SLC9A9: variants seen among roughly 807,000 people sequenced by gnomAD.
The protein encoded by SLC9A9 is sodium/hydrogen exchanger 9.
A neutral mutation model predicts 77.8 loss-of-function variants in SLC9A9; 62 were observed. The ratio of observed to expected loss-of-function variants is 0.80; its 90% CI spans 0.65 to 0.98. The LOEUF is 0.98. Ranked by LOEUF, SLC9A9 falls within the 50% of genes least tolerant of loss-of-function variation. The probability of loss-of-function intolerance (pLI) is 0.00; values close to 1 mark genes in which losing one functional copy is unlikely to be tolerated. For missense variants in SLC9A9, 775 were observed against 774.9 expected (o/e 1.00, Z 0.00); for synonymous variants, 320 against 283.5 (o/e 1.13, Z -1.29).
intron 9 of SLC9A9, chr3:143,517,885 A>G: frequency 6.4e-7 from 1 of 1,552,600 alleles, no homozygotes; most frequent in Non-Finnish European, 8.8e-7. Flanking sequence ...CTTTTTAATC[A>G]TTTGCCTGAT....
intron 6 of SLC9A9, among the ~76,000 whole-genome samples, chr3:143,600,214 G>A (rs555165092): frequency 9.2e-5 from 14 of 152,168 alleles, no homozygotes; most frequent in Middle Eastern, 3.4e-3. Flanking sequence ...GGTGTGTGAT[G>A]TTCCCCTCCC....
chr3:143,441,714 T>C (rs374581168), intron 12 of SLC9A9, among the ~76,000 whole-genome samples: 17 of 152,304 alleles, frequency 1.1e-4, no homozygotes, highest in African/African-American at 4.1e-4. Flanking sequence ...TTCTGTTTTC[T>C]ATGCCAGCCT....
At chr3:143,508,390 C>T (rs892142100) in intron 9 of SLC9A9, among the ~76,000 whole-genome samples, 2 of 152,172 alleles carry the variant, frequency 1.3e-5, no homozygotes, top group Non-Finnish European at 2.9e-5. Context: ...CAGTGGAATG[C>T]ATTAGATCAT....
intron 9 of SLC9A9, among the ~76,000 whole-genome samples, chr3:143,537,919 G>A (rs1478410677): frequency 2.0e-5 from 3 of 152,190 alleles, no homozygotes; most frequent in African/African-American, 7.2e-5. Context: ...TAAAGGTTTA[G>A]TTATCTTTTC....
At chr3:143,715,061 C>G (rs1172905434) in intron 4 of SLC9A9, among the ~76,000 whole-genome samples, 1 of 152,206 alleles carries the variant, frequency 6.6e-6, no homozygotes, top group East Asian at 1.9e-4. Flanking sequence ...TCCTCCTTGC[C>G]TTCCACCATG....
At chr3:143,657,912 G>A (rs545285431) in intron 5 of SLC9A9, among the ~76,000 whole-genome samples, 18 of 152,080 alleles carry the variant, frequency 1.2e-4, no homozygotes, top group African/African-American at 4.3e-4. Flanking sequence ...TGTTGCCCAG[G>A]CTGGAGTGCA....
intron 14 of SLC9A9, among the ~76,000 whole-genome samples, chr3:143,315,624 C>T (rs2031185452): frequency 6.6e-6 from 1 of 152,190 alleles, no homozygotes; most frequent in South Asian, 2.1e-4. Flanking sequence ...AAGATCATGG[C>T]TCAGGAACCA....
At chr3:143,741,843 T>C (rs1935081735) in intron 4 of SLC9A9, among the ~76,000 whole-genome samples, 1 of 152,152 alleles carries the variant, frequency 6.6e-6, no homozygotes. Flanking sequence ...ATCTTTCTTC[T>C]AACCTCCAAG....
chr3:143,783,242 T>C (rs1302859991), intron 4 of SLC9A9, among the ~76,000 whole-genome samples: 1 of 152,120 alleles, frequency 6.6e-6, no homozygotes, highest in Non-Finnish European at 1.5e-5. Flanking sequence ...TGAGCTGTCA[T>C]TGCCCTCCAT....
At chr3:143,648,160 T>C (rs2038734515) in intron 6 of SLC9A9, among the ~76,000 whole-genome samples, 1 of 152,224 alleles carries the variant, frequency 6.6e-6, no homozygotes, top group African/African-American at 2.4e-5. Flanking sequence ...TTTTGTAATG[T>C]ATATAGAACA....
At chr3:143,343,449 GCAAGAA>G (rs1465434866) in intron 14 of SLC9A9, 1 of 152,102 alleles carries the variant, frequency 6.6e-6, no homozygotes, top group African/African-American at 2.4e-5. Flanking sequence ...CAACAGCTAG[GCAAGAA>G]CTGCCACAAG....
chr3:143,636,789 T>A (rs1458109067), intron 6 of SLC9A9, among the ~76,000 whole-genome samples: 1 of 152,170 alleles, frequency 6.6e-6, no homozygotes, highest in Non-Finnish European at 1.5e-5. Context: ...CAGGAGACAG[T>A]GAGCCTGACA....
intron 11 of SLC9A9, among the ~76,000 whole-genome samples, chr3:143,472,869 T>C (rs1576520642): frequency 6.6e-6 from 1 of 152,236 alleles, no homozygotes; most frequent in African/African-American, 2.4e-5. Context: ...TGAGATCCTT[T>C]AAAACCTTAT....
At chr3:143,374,286 G>A (rs1441621631) in intron 13 of SLC9A9, among the ~76,000 whole-genome samples, 3 of 151,742 alleles carry the variant, frequency 2.0e-5, no homozygotes, top group South Asian at 2.1e-4. Context: ...TTAGCCGGGC[G>A]TGGTGGCGGG....
chr3:143,266,691 C>A lies in SLC9A9; in HGVS notation c.*11G>T. On this transcript the variant is annotated 3_prime_UTR_variant, in exon 16 of 16. Transcript: ENST00000316549. ...CATTACTTGTGATTACATCTGTACT[C>A]TTCATGCCAATTAATTCAACTGGGA... 2 of 1,613,886 alleles carry A rather than the reference C, an allele frequency of 1.2e-6. No homozygotes were observed. The highest frequency in any genetic ancestry group is 1.7e-6 in the Non-Finnish European group (2 of 1,179,848).
At chr3:143,628,497 C>T (rs2038368237) in intron 6 of SLC9A9, among the ~76,000 whole-genome samples, 1 of 152,068 alleles carries the variant, frequency 6.6e-6, no homozygotes, top group South Asian at 2.1e-4. Context: ...TAGTATGTTT[C>T]CTACTGAATG....
intron 9 of SLC9A9, among the ~76,000 whole-genome samples, chr3:143,525,361 G>A (rs954502056): frequency 6.6e-6 from 1 of 152,158 alleles, no homozygotes; most frequent in African/African-American, 2.4e-5. Flanking sequence ...GATTCTATCT[G>A]ATCCATTTTG....
chr3:143,456,425 A>T (rs72997861), intron 12 of SLC9A9, among the ~76,000 whole-genome samples: 25,918 of 152,060 alleles, frequency 0.17, 3,611 homozygotes, highest in African/African-American at 0.38. Context: ...GAGTTGGAAG[A>T]TATTGTTCTG....
intron 6 of SLC9A9, among the ~76,000 whole-genome samples, chr3:143,592,262 C>G (rs937625999): frequency 1.4e-4 from 21 of 152,194 alleles, no homozygotes; most frequent in African/African-American, 5.1e-4. Flanking sequence ...CGCAGTGGCT[C>G]ACGCCTGTAA....
Sources: gnomAD v4.1 joint callset for allele counts (sites outside exome capture counted in the v4.1 genomes callset) on GRCh38, gnomAD v4.1.1 for gene constraint, MANE v1.5 for transcripts, NCBI Gene and HGNC (gene_info 2026-07-23, HGNC 2026-07-21) for gene names.